The following HOXA3 variants were observed in gnomAD, a reference collection of about 807,000 sequenced individuals.
HOXA3 encodes homeobox A3.
A neutral mutation model predicts 30.3 loss-of-function variants in HOXA3; 8 were observed. The observed-to-expected ratio is 0.26, with a 90% CI of 0.15 to 0.48. HOXA3 has a LOEUF of 0.48. Ranked by LOEUF, HOXA3 falls within the 20% of genes least tolerant of loss-of-function variation. The pLI is 0.99. For synonymous variants in HOXA3, 323 were observed against 273.1 expected (o/e 1.18, Z -1.80); for missense variants, 653 against 614.4 (o/e 1.06, Z -0.66).
chr7:27,130,242 T>A (rs906256490), intron 2 of HOXA3: 5 of 1,303,564 alleles, frequency 3.8e-6, no homozygotes, highest in Non-Finnish European at 4.9e-6. Context: ...CCGGGACGCC[T>A]GGGGTGGCGG....
chr7:27,120,682 C>T (rs1784962460), intron 4 of HOXA3, among the ~76,000 whole-genome samples: 1 of 152,132 alleles, frequency 6.6e-6, no homozygotes, highest in African/African-American at 2.4e-5. Flanking sequence ...AGTTAATGCT[C>T]CAACTGCTGT....
chr7:27,147,829 T>C lies in HOXA3; in HGVS notation c.-494+4459A>G, dbSNP rs1001779499. On this transcript the variant is annotated intron_variant, in intron 1 of 5. Transcript: ENST00000612286. ...AACTATTAGTAGTCATCGAACTGGTTTGTTTCTGGATGGCCGAACGCCAAA... is the reference window on the plus strand; with the variant it reads ...AACTATTAGTAGTCATCGAACTGGTCTGTTTCTGGATGGCCGAACGCCAAA... 4.9e-5 allele frequency: 64 copies of C among 1,317,296 alleles called. No homozygotes were observed. The African/African-American group carries it at 8.9e-4, about 18-fold the overall frequency. 81.6% of individuals were successfully genotyped at this position (1,317,296 alleles called of 1,614,324 possible).
At chr7:27,140,308 A>G (rs1401848462) in intron 1 of HOXA3, 122 bp from the exon 2 acceptor site, 28 of 152,216 alleles carry the variant, frequency 1.8e-4, no homozygotes, top group Admixed American at 1.8e-3. Context: ...GACGTTTTAT[A>G]GCCAGTGAGC....
chr7:27,144,757 G>T (rs1782692389), intron 1 of HOXA3, among the ~76,000 whole-genome samples: 2 of 152,332 alleles, frequency 1.3e-5, no homozygotes, highest in South Asian at 4.1e-4. Context: ...CCACGGCTCC[G>T]AAAGACTCAA....
At chr7:27,147,763 T>C (rs780420557) in intron 1 of HOXA3, 47 of 1,595,726 alleles carry the variant, frequency 2.9e-5, no homozygotes, top group Middle Eastern at 1.7e-4. Context: ...CGCGCCCCTC[T>C]GCAGGACTGT....
chr7:27,145,936 G>A (rs747555299), intron 1 of HOXA3: 53 of 1,606,224 alleles, frequency 3.3e-5, no homozygotes, highest in Non-Finnish European at 4.3e-5. Context: ...AGAAACGGCC[G>A]GGCGCCGGTA....
In HOXA3 at chr7:27,108,157, G is replaced by A; in HGVS notation, c.1090C>T (p.Pro364Ser). The A allele has an allele frequency of 1.3e-6, 2 of 1,580,022 alleles. No homozygotes were observed. Residue 364 changes from proline (P) to serine (S), a missense_variant, in exon 6 of 6, where the codon CCC becomes TCC. Pro to Ser is a moderately conservative substitution (Grantham distance 74). Around this residue, in one of 3 missense-constraint regions of HOXA3, gnomAD observed 330 missense variants for 274.4 expected, o/e 1.20. Coordinates refer to ENST00000612286, the MANE Select transcript of HOXA3 (RefSeq NM_153631.3). This position sits in a 1 kb window ranked among gnomAD's most constrained non-coding sequence, Gnocchi z 5.0. ...SYGTPHIQGS[P>S]VFVGGSYVEP... ...ACATAGCTGCCCCCCACGAAGACGG[G>A]GCTTCCCTGTATGTGTGGGGTCCCA... is the stretch of plus-strand genomic sequence containing the variant.
Position 27,113,875 on chromosome 7 carries a change from AC to A in HOXA3, c.-120-3116del, listed in dbSNP as rs1784523645. The A allele has an allele frequency of 2.0e-5, 1 of 49,414 alleles. No homozygotes were observed. The highest frequency in any genetic ancestry group is 4.6e-5 in the Non-Finnish European group (1 of 21,856). 3.1% of individuals were successfully genotyped at this position (49,414 alleles called of 1,614,324 possible). On this transcript the variant is annotated intron_variant, in intron 4 of 5. Coordinates refer to ENST00000612286, the MANE Select transcript of HOXA3 (RefSeq NM_153631.3). The surrounding 1 kb of genome is among the most constrained non-coding windows in gnomAD (Gnocchi z 4.8). The stretch of plus-strand genomic sequence containing the variant: ...CTTGGACCCCCCTCCCACCCACCCC[AC>A]CCACCCACCCCTCCCCCACACCCCC...
chr7:27,145,768 G>A, intron 1 of HOXA3: 2 of 1,614,194 alleles, frequency 1.2e-6, no homozygotes, highest in Non-Finnish European at 1.7e-6. Flanking sequence ...ATCTTGATCT[G>A]GCGCTCGGTG....
At chr7:27,129,908 G>C in intron 2 of HOXA3, 1 of 626,894 alleles carries the variant, frequency 1.6e-6, no homozygotes. Flanking sequence ...TAAATCTCCT[G>C]ATAAAGGGAC....
At position 27,140,122 on chromosome 7, in the gene HOXA3, A is replaced by AC. The variant is rs1280005808; in HGVS notation, c.-430dup. On this transcript the variant is annotated 5_prime_UTR_variant, in exon 2 of 6. Coordinates refer to ENST00000612286, the MANE Select transcript of HOXA3 (RefSeq NM_153631.3). Reference sequence around the variant, plus strand: ...AGCCATTTTTCAGAGAGTTTTGAGAACTTGTGGTTTGGACACTTCTGGACC... The same window carrying AC: ...AGCCATTTTTCAGAGAGTTTTGAGAACCTTGTGGTTTGGACACTTCTGGACC... 1.3e-5 allele frequency: 2 copies of AC among 151,948 alleles called. No individual in the cohort carries two copies. Among genetic ancestry groups the AC allele is most frequent in the Non-Finnish European group, 2.9e-5 (2 of 68,006 alleles). The allele number at this position is 151,948 out of a possible 1,614,324, so 9.4% of individuals were successfully genotyped here. A position where few individuals can be genotyped will look rare whatever the true frequency, so the allele number is the denominator to read the frequency against.
In HOXA3 at chr7:27,118,376, C is replaced by T. The variant is rs981315415; in HGVS notation, c.-121+4183G>A. Among the ~76,000 whole-genome samples, 7 of 152,182 alleles carry T rather than the reference C, an allele frequency of 4.6e-5. No homozygotes were observed. The South Asian group carries it at 6.2e-4, about 13-fold the overall frequency. ...CCTGTCTGGGTCTCCGCTCCAAATG[C>T]CACAATAATGCGCTGTATTATGTGC... On this transcript the variant is annotated intron_variant, in intron 4 of 5. Coordinates refer to ENST00000612286, the MANE Select transcript of HOXA3 (RefSeq NM_153631.3).
At chr7:27,146,361 A>G (rs1371315102) in intron 1 of HOXA3, among the ~76,000 whole-genome samples, 1 of 152,112 alleles carries the variant, frequency 6.6e-6, no homozygotes, top group Non-Finnish European at 1.5e-5. Context: ...GTGACCAGCC[A>G]TGTCGGAACT....
At chr7:27,139,097 A>G (rs1205691507) in intron 2 of HOXA3, among the ~76,000 whole-genome samples, 1 of 152,206 alleles carries the variant, frequency 6.6e-6, no homozygotes, top group African/African-American at 2.4e-5. Flanking sequence ...TAATTCTACA[A>G]AGAAGGAGAG....
chr7:27,107,782 T>C lies in HOXA3; in HGVS notation c.*133A>G. ...CGAGGGGGGAAACCGGGAAACGGAGTGCGGGGCGGAGAAGAGAGAAAAGGA... is the reference window on the plus strand; with the variant it reads ...CGAGGGGGGAAACCGGGAAACGGAGCGCGGGGCGGAGAAGAGAGAAAAGGA... On this transcript the variant is annotated 3_prime_UTR_variant, in exon 6 of 6. Transcript: ENST00000612286. 2 of 564,888 alleles carry C rather than the reference T, an allele frequency of 3.5e-6. No individual in the cohort carries two copies. The highest frequency in any genetic ancestry group is 3.0e-5 in the East Asian group (1 of 32,818). The allele number at this position is 564,888 out of a possible 1,614,324, so 35.0% of individuals were successfully genotyped here.
intron 2 of HOXA3, chr7:27,130,521 G>A: frequency 7.4e-7 from 1 of 1,347,044 alleles, no homozygotes; most frequent in Non-Finnish European, 9.6e-7. Context: ...CGTAGTAGGA[G>A]GCAGTGGGCT....
chr7:27,147,145 T>C (rs758762640), intron 1 of HOXA3: 1 of 721,714 alleles, frequency 1.4e-6, no homozygotes, highest in Non-Finnish European at 2.2e-6. Context: ...GATAGCCCCA[T>C]TGGGAACTGA....
chr7:27,130,003 T>A, intron 2 of HOXA3: 1 of 1,242,732 alleles, frequency 8.0e-7, no homozygotes, highest in Non-Finnish European at 1.1e-6. Context: ...CCGGGTCAGA[T>A]GGGGGCTCCC....
chr7:27,141,113 C>CAAAAAAA (rs147485948), intron 1 of HOXA3: 129 of 82,916 alleles, frequency 1.6e-3, no homozygotes, highest in African/African-American at 2.4e-3. Context: ...AAAACAAATA[C>CAAAAAAA]AAAAAAAAAA....
Sources: gnomAD v4.1 joint callset for allele counts (sites outside exome capture counted in the v4.1 genomes callset) on GRCh38, gnomAD v4.1.1 for gene constraint, gnomAD v4.1.1 regional missense constraint, Gnocchi (gnomAD v3.1) non-coding constraint, MANE v1.5 for transcripts, NCBI Gene and HGNC (gene_info 2026-07-23, HGNC 2026-07-21) for gene names.